The following PORCN variants were observed in gnomAD, a reference collection of about 807,000 sequenced individuals.
The protein encoded by PORCN is protein-serine O-palmitoleoyltransferase porcupine.
A neutral mutation model predicts 43.0 loss-of-function variants in PORCN; 1 was observed. The ratio of observed to expected loss-of-function variants is 0.02; its 90% CI spans 0.01 to 0.11. The LOEUF is 0.11. Among genes scored for constraint, PORCN ranks in the 10% least tolerant of loss-of-function variants. The probability of loss-of-function intolerance (pLI) is 1.00; values close to 1 mark genes in which losing one functional copy is unlikely to be tolerated. For missense variants in PORCN, 240 were observed against 392.1 expected (o/e 0.61, Z 3.28); for synonymous variants, 148 against 166.4 (o/e 0.89, Z 0.85).
chrX:48,509,184 G>C, intron 1 of PORCN, 81 bp downstream of exon 1: 1 of 177,479 alleles, frequency 5.6e-6, no homozygotes, highest in South Asian at 9.6e-5. Context: ...TAGCGCGAGT[G>C]CTAGGACCCC....
chrX:48,509,282 G>A (rs1556973306), intron 1 of PORCN, 179 bp downstream of exon 1: 1 of 236,824 alleles, frequency 4.2e-6, no homozygotes, highest in Non-Finnish European at 7.9e-6. Context: ...GACTTTGTTG[G>A]CGGCCTCTCG....
Position 48,512,711 on chromosome X carries a change from C to G in PORCN, c.678C>G (p.Leu226=). The G allele has an allele frequency of 8.2e-7, 1 of 1,212,336 alleles. No individual in the cohort carries two copies. Among genetic ancestry groups the G allele is most frequent in the Non-Finnish European group, 1.1e-6 (1 of 895,591 alleles). Residue 226 remains leucine, a synonymous_variant, in exon 6 of 15, where the codon CTC becomes CTG. Coordinates refer to ENST00000326194, the MANE Select transcript of PORCN (RefSeq NM_203475.3). ...PYFIPLNGDR[L]LRNKKRKARG... is the part of the protein sequence containing the mutation. Reference sequence around the variant, plus strand: ...TCATCCCCCTCAACGGTGACCGCCTCCTTCGCAAGTGAGCACAGCCTTCGA... The same window carrying G: ...TCATCCCCCTCAACGGTGACCGCCTGCTTCGCAAGTGAGCACAGCCTTCGA...
chrX:48,517,086 A>G, intron 13 of PORCN, 97 bp from the exon 14 acceptor site: 1 of 649,415 alleles, frequency 1.5e-6, no homozygotes, highest in Non-Finnish European at 2.5e-6. Context: ...CCTGGAACCC[A>G]CTGTGCCCTG....
chrX:48,512,109 C>T lies in PORCN; in HGVS notation c.373+174C>T, dbSNP rs1481042693. ...CGTGTCTCTTTCCACCGTGCATTTTCCCGAAGTCTGTCTGTCTCGTGTCAT... is the reference window on the plus strand; with the variant it reads ...CGTGTCTCTTTCCACCGTGCATTTTTCCGAAGTCTGTCTGTCTCGTGTCAT... On this transcript the variant is annotated intron_variant, in intron 4 of 14. Coordinates refer to ENST00000326194, the MANE Select transcript of PORCN (RefSeq NM_203475.3). 8 of 543,739 alleles carry T rather than the reference C, an allele frequency of 1.5e-5. No individual in the cohort carries two copies. In the Admixed American group the frequency reaches 2.2e-4, roughly 15 times the overall value. 44.8% of individuals were successfully genotyped at this position (543,739 alleles called of 1,213,427 possible).
chrX:48,519,535 C>G, intron 14 of PORCN, among the ~76,000 whole-genome samples: 1 of 111,905 alleles, frequency 8.9e-6, no homozygotes. Flanking sequence ...AGCAGGAACT[C>G]TGTACCCAAG....
rs1556974776 is a variant in PORCN, at chrX:48,514,482, A to T, written c.846-43A>T. The T allele has an allele frequency of 1.3e-5, 16 of 1,188,042 alleles. No individual in the cohort carries two copies. In the Middle Eastern group the frequency reaches 3.5e-3, roughly 262 times the overall value. On this transcript the variant is annotated intron_variant, in intron 9 of 14. Coordinates refer to ENST00000326194, the MANE Select transcript of PORCN (RefSeq NM_203475.3). The stretch of plus-strand genomic sequence containing the variant: ...AAGACAGAAGTGTGGCGGTCAGATG[A>T]GTTGAGATCCCAAATGGATTTGCAT...
Position 48,516,433 on chromosome X carries a change from C to T in PORCN, c.1173+287C>T, listed in dbSNP as rs372508317. 1.3e-3 allele frequency among the ~76,000 whole-genome samples: 141 copies of T among 111,473 alleles called. 1 individual carries two copies. The highest frequency in any genetic ancestry group is 4.1e-3 in the African/African-American group (125 of 30,656). On this transcript the variant is annotated intron_variant, in intron 13 of 14. Coordinates refer to ENST00000326194, the MANE Select transcript of PORCN (RefSeq NM_203475.3). ...GAATGAAACAGACTGAAGTCCCAGC[C>T]CTATGGGACAAACATTTTAACCGGG... is the stretch of plus-strand genomic sequence containing the variant.
chrX:48,512,573 T>C lies in PORCN; in HGVS notation c.556-16T>C. On this transcript the variant is annotated splice_polypyrimidine_tract_variant and intron_variant, in intron 5 of 14. Transcript: ENST00000326194. Reference sequence around the variant, plus strand: ...CCACCCTGGGGCAGCACTCATGGAGTGCTTGATCCCTACAGAGCTGCCGGT... The same window carrying C: ...CCACCCTGGGGCAGCACTCATGGAGCGCTTGATCCCTACAGAGCTGCCGGT... The C allele has an allele frequency of 5.0e-6, 6 of 1,209,689 alleles. No individual in the cohort carries two copies. The highest frequency in any genetic ancestry group is 6.7e-6 in the Non-Finnish European group (6 of 894,615).
chrX:48,513,152 G>C (rs2061688739), intron 7 of PORCN, among the ~76,000 whole-genome samples: 1 of 112,697 alleles, frequency 8.9e-6, no homozygotes. Flanking sequence ...TAACCTGTCA[G>C]TGACTCTGTC....
intron 7 of PORCN, 53 bp from the exon 8 acceptor site, chrX:48,514,074 C>G: frequency 8.3e-7 from 1 of 1,201,951 alleles, no homozygotes. Flanking sequence ...CAGGGCCTCT[C>G]TGACTCTCTT....
intron 2 of PORCN, among the ~76,000 whole-genome samples, chrX:48,510,943 T>C (rs2061670682): frequency 8.9e-6 from 1 of 112,024 alleles, no homozygotes; most frequent in South Asian, 3.7e-4. Context: ...CCACAAGACA[T>C]TGAATCTGGA....
At chrX:48,512,261 C>A in intron 4 of PORCN, 65 bp from the exon 5 acceptor site, 1 of 1,150,280 alleles carries the variant, frequency 8.7e-7, no homozygotes. Flanking sequence ...TCACCTGGTG[C>A]ACCTCCTCCT....
chrX:48,514,062 T>A, intron 7 of PORCN, 65 bp from the exon 8 acceptor site: 2 of 1,174,581 alleles, frequency 1.7e-6, no homozygotes, highest in Non-Finnish European at 2.3e-6. Flanking sequence ...CAGACCAGCC[T>A]CCAGGGCCTC....
chrX:48,514,249 A>G lies in PORCN; in HGVS notation c.729A>G (p.Arg243=), dbSNP rs1556974654. The G allele has an allele frequency of 6.6e-6, 8 of 1,211,699 alleles. No individual in the cohort carries two copies. The highest frequency in any genetic ancestry group is 8.9e-6 in the Non-Finnish European group (8 of 895,482). The change falls in exon 9 of 15, where the codon CGA becomes CGG. Residue 243 remains arginine (R), a synonymous_variant. Transcript: ENST00000326194. ...GCCCCTTTCTCCCCAGGTGGCTGCG[A>G]GCCTACGAGAGTGCTGTCTCCTTCC... The part of the protein sequence containing the change: ...KARGTMVRWL[R]AYESAVSFHF...
Position 48,514,522 on chromosome X carries a change from C to T in PORCN, c.846-3C>T, listed in dbSNP as rs960517106. ...TGGATTTGCATATCTCTTCTGCCCCCAGGGACCTGACGGTGTCCAAGCCAC... is the reference window on the plus strand; with the variant it reads ...TGGATTTGCATATCTCTTCTGCCCCTAGGGACCTGACGGTGTCCAAGCCAC... On this transcript the variant is annotated splice_region_variant and splice_polypyrimidine_tract_variant and intron_variant, in intron 9 of 14. Coordinates refer to ENST00000326194, the MANE Select transcript of PORCN (RefSeq NM_203475.3). 2.5e-6 allele frequency: 3 copies of T among 1,207,640 alleles called. No homozygotes were observed. The Admixed American group carries it at 6.5e-5, about 26-fold the overall frequency.
Position 48,509,862 on chromosome X carries a change from G to T in PORCN, c.42G>T (p.Leu14=). The T allele has an allele frequency of 8.3e-7, 1 of 1,211,881 alleles. No individual in the cohort carries two copies. Among genetic ancestry groups the T allele is most frequent in the Non-Finnish European group, 1.1e-6 (1 of 895,436 alleles). ...FSRQEFFQQL[L]QGCLLPTAQQ... ...GCCAGGAATTTTTCCAGCAGCTACT[G>T]CAAGGCTGTCTCCTGCCTACTGCCC... The change falls in exon 2 of 15, where the codon CTG becomes CTT. Residue 14 remains leucine, a synonymous_variant. Coordinates refer to ENST00000326194, the MANE Select transcript of PORCN (RefSeq NM_203475.3).
rs782763091 is a variant in PORCN at position 48,512,800 on chromosome X, C to G, written c.687-35C>G. The G allele has an allele frequency of 4.5e-5, 55 of 1,211,252 alleles. No individual in the cohort carries two copies. In the Admixed American group the frequency reaches 1.2e-3, roughly 26 times the overall value. On this transcript the variant is annotated intron_variant, in intron 6 of 14. Transcript: ENST00000326194. ...GCGGTTTCCCCAGTTCTGAGCCTGTCTCTTAATGCTTCTTTCTGTCTTCTG... is the reference window on the plus strand; with the variant it reads ...GCGGTTTCCCCAGTTCTGAGCCTGTGTCTTAATGCTTCTTTCTGTCTTCTG...
At position 48,511,411 on chromosome X, in the gene PORCN, G is replaced by C. The variant is rs781965191; in HGVS notation, c.253G>C (p.Val85Leu). Residue 85 changes from valine (V) to leucine (L), a missense_variant, in exon 3 of 15, where the codon GTG (valine) becomes CTG (leucine). Transcript: ENST00000326194. ...GCTGCTCAGCCTCCTGTGCTACCTC[G>C]TGCTGTTCCTCTGCCGACATTCCTC... ...VVLLSLLCYL[V>L]LFLCRHSSHR... The C allele has an allele frequency of 1.7e-6, 2 of 1,211,178 alleles. No individual in the cohort carries two copies. The highest frequency in any genetic ancestry group is 1.7e-5 in the African/African-American group (1 of 57,665).
chrX:48,509,438 G>C, intron 1 of PORCN: 2 of 843,936 alleles, frequency 2.4e-6, no homozygotes, highest in African/African-American at 4.2e-5. Context: ...ACTCTACCTT[G>C]GAAACCAGGG....
Sources: allele counts gnomAD v4.1 joint callset (sites outside exome capture counted in the v4.1 genomes callset), GRCh38; gene constraint gnomAD v4.1.1; transcripts MANE v1.5; gene names NCBI Gene and HGNC (gene_info 2026-07-23, HGNC 2026-07-21).